The following ZFHX3 variants were observed in gnomAD, a reference collection of about 807,000 sequenced individuals.
ZFHX3 encodes the protein zinc finger homeobox 3.
A neutral mutation model predicts 279.1 loss-of-function variants in ZFHX3; 42 were observed. The observed-to-expected ratio is 0.15, with a 90% CI of 0.12 to 0.19. ZFHX3 has a LOEUF of 0.19. ZFHX3 is among the 10% of genes least tolerant of loss of function. ZFHX3 has a pLI of 1.00. For missense variants in ZFHX3, 4,981 were observed against 4,754.0 expected (o/e 1.05, Z -1.40); for synonymous variants, 2,293 against 1,957.8 (o/e 1.17, Z -4.52).
At chr16:72,889,537 A>G (rs905482589) in intron 4 of ZFHX3, among the ~76,000 whole-genome samples, 194 bp downstream of exon 4, 1 of 152,118 alleles carries the variant, frequency 6.6e-6, no homozygotes. Flanking sequence ...GAAAAGAAAA[A>G]AAGACAGAAA....
At chr16:73,188,776 TA>T (rs1967967865) in intron 5 of ZFHX3, among the ~76,000 whole-genome samples, 1 of 152,160 alleles carries the variant, frequency 6.6e-6, no homozygotes, top group South Asian at 2.1e-4. Context: ...AGGATTTGTT[TA>T]GTTTCAGAAC....
chr16:73,349,281 A>G (rs2016179888), intron 3 of ZFHX3, among the ~76,000 whole-genome samples: 1 of 152,080 alleles, frequency 6.6e-6, no homozygotes, highest in Non-Finnish European at 1.5e-5. Context: ...CACCATCCTC[A>G]CACCCTTCCC....
intron 4 of ZFHX3, among the ~76,000 whole-genome samples, chr16:73,261,882 T>C (rs1235491126): frequency 6.6e-6 from 1 of 152,040 alleles, no homozygotes; most frequent in South Asian, 2.1e-4. Context: ...TTCATGTTGG[T>C]CAGACTGGTC....
intron 1 of ZFHX3, among the ~76,000 whole-genome samples, chr16:72,962,449 T>C (rs78849008): frequency 0.018 from 2,725 of 152,252 alleles, 91 homozygotes; most frequent in African/African-American, 0.062. Context: ...GGTGACCCTG[T>C]GGTGGTGACA....
chr16:73,860,187 T>A (rs987752353), intron 1 of ZFHX3, among the ~76,000 whole-genome samples: 1 of 152,200 alleles, frequency 6.6e-6, no homozygotes. Flanking sequence ...AGAAAAAACA[T>A]TGATAAATTA....
At chr16:72,841,739 T>C (rs2037350766) in intron 4 of ZFHX3, among the ~76,000 whole-genome samples, 1 of 152,206 alleles carries the variant, frequency 6.6e-6, no homozygotes, top group Non-Finnish European at 1.5e-5. Flanking sequence ...GAGGTGTTTC[T>C]CAGACCTAAG....
At chr16:72,829,043 T>C (rs980176064) in intron 5 of ZFHX3, among the ~76,000 whole-genome samples, 1 of 151,210 alleles carries the variant, frequency 6.6e-6, no homozygotes, top group South Asian at 2.1e-4. Flanking sequence ...TCGCGCAGGC[T>C]GGAGTGCAGT....
At chr16:72,912,939 G>T (rs1401241370) in intron 3 of ZFHX3, among the ~76,000 whole-genome samples, 3 of 152,104 alleles carry the variant, frequency 2.0e-5, no homozygotes, top group Non-Finnish European at 4.4e-5. Flanking sequence ...TGGCCAGAAT[G>T]GTCTCAATCT....
At chr16:73,302,879 A>G (rs2015089023) in intron 4 of ZFHX3, among the ~76,000 whole-genome samples, 1 of 152,160 alleles carries the variant, frequency 6.6e-6, no homozygotes, top group Non-Finnish European at 1.5e-5. Context: ...AAAAACAGCA[A>G]TGCCTTGGAC....
intron 1 of ZFHX3, among the ~76,000 whole-genome samples, chr16:72,972,618 T>C (rs1197222860): frequency 6.6e-6 from 1 of 152,138 alleles, no homozygotes; most frequent in Admixed American, 6.5e-5. Flanking sequence ...GGGTATCTGC[T>C]CCGGGAGGGT....
intron 1 of ZFHX3, among the ~76,000 whole-genome samples, chr16:73,890,171 A>C (rs1026596047): frequency 6.6e-6 from 1 of 151,724 alleles, no homozygotes; most frequent in East Asian, 1.9e-4. Flanking sequence ...AATCTATGAC[A>C]TCTAAAAACC....
chr16:73,429,636 A>T (rs2017876427), intron 3 of ZFHX3, among the ~76,000 whole-genome samples: 1 of 152,026 alleles, frequency 6.6e-6, no homozygotes, highest in South Asian at 2.1e-4. Context: ...CCAGGCCAAG[A>T]CCTTCGGATT....
chr16:73,530,224 G>A (rs946060760), intron 2 of ZFHX3, among the ~76,000 whole-genome samples: 8 of 152,108 alleles, frequency 5.3e-5, no homozygotes, highest in Non-Finnish European at 7.3e-5. Flanking sequence ...ATCAGATCTC[G>A]TGAGACTTAT....
intron 3 of ZFHX3, among the ~76,000 whole-genome samples, chr16:73,408,892 C>G (rs182305853): frequency 6.6e-6 from 1 of 152,170 alleles, no homozygotes; most frequent in Admixed American, 6.5e-5. Flanking sequence ...ATCTTCCAGA[C>G]CTGCTCAAAC....
intron 1 of ZFHX3, among the ~76,000 whole-genome samples, chr16:73,725,681 A>G (rs2053513121): frequency 6.6e-6 from 1 of 152,074 alleles, no homozygotes; most frequent in African/African-American, 2.4e-5. Flanking sequence ...TTTGACCCCT[A>G]CTCTAATTCT....
At chr16:73,159,269 A>G (rs1211098164) in intron 5 of ZFHX3, among the ~76,000 whole-genome samples, 1 of 152,232 alleles carries the variant, frequency 6.6e-6, no homozygotes, top group African/African-American at 2.4e-5. Context: ...AGAACGTGAT[A>G]TATTAGATGT....
At chr16:73,546,665 CTGCTGT>C (rs1310894460) in intron 2 of ZFHX3, among the ~76,000 whole-genome samples, 21 of 138,028 alleles carry the variant, frequency 1.5e-4, no homozygotes, top group South Asian at 4.8e-4. Context: ...GCTTTGGGTG[CTGCTGT>C]TGCTGCTGCT....
intron 1 of ZFHX3, among the ~76,000 whole-genome samples, chr16:72,993,788 C>G (rs1963179528): frequency 2.6e-5 from 4 of 152,176 alleles, no homozygotes; most frequent in Admixed American, 2.6e-4. Flanking sequence ...AGCTTTCCCA[C>G]GTGGACCAGA....
chr16:72,864,835 T>C (rs1467543825), intron 4 of ZFHX3, among the ~76,000 whole-genome samples: 1 of 152,228 alleles, frequency 6.6e-6, no homozygotes, highest in Non-Finnish European at 1.5e-5. Flanking sequence ...TGTTAGAGTT[T>C]TGAAGATGAT....
Sources: allele counts gnomAD v4.1 joint callset (sites outside exome capture counted in the v4.1 genomes callset), GRCh38; gene constraint gnomAD v4.1.1; transcripts MANE v1.5; gene names NCBI Gene and HGNC (gene_info 2026-07-23, HGNC 2026-07-21).